CCDC171: variants seen among roughly 807,000 people sequenced by gnomAD.
CCDC171 encodes coiled-coil domain containing 171.
CCDC171 carries 177 observed loss-of-function variants against 168.2 expected under a neutral mutation model. The ratio of observed to expected loss-of-function variants is 1.05; its 90% confidence interval spans 0.93 to 1.19. The LOEUF (loss-of-function observed/expected upper bound fraction) is 1.19, where lower values mean the gene tolerates loss of function less well. CCDC171 is among the 50% of genes most tolerant of loss of function. The pLI, the probability that CCDC171 is intolerant of heterozygous loss-of-function variation, is 0.00. For synonymous variants in CCDC171, 687 were observed against 540.8 expected, an observed-to-expected ratio of 1.27 and a Z score of -3.75; for missense variants, 1,991 against 1,539.0, an observed-to-expected ratio of 1.29 and a Z score of -4.91.
intron 4 of CCDC171, among the ~76,000 whole-genome samples, chr9:15,582,098 T>C (rs1461231214): frequency 6.6e-6 from 1 of 151,438 alleles, no homozygotes; most frequent in Non-Finnish European, 1.5e-5. Context: ...AAAAACAATC[T>C]CATCAGAAAG....
At chr9:15,783,589 T>C (rs190427164) in intron 20 of CCDC171, among the ~76,000 whole-genome samples, 1 of 152,338 alleles carries the variant, frequency 6.6e-6, no homozygotes, top group East Asian at 1.9e-4. Context: ...ATCTACCTTT[T>C]GTGAAACCTT....
At chr9:15,650,506 G>T (rs7023275) in intron 7 of CCDC171, among the ~76,000 whole-genome samples, 1 of 151,816 alleles carries the variant, frequency 6.6e-6, no homozygotes, top group Admixed American at 6.6e-5. Flanking sequence ...GCATTATTTC[G>T]TACAGTTATT....
At chr9:15,952,985 A>G (rs545730340) in intron 25 of CCDC171, among the ~76,000 whole-genome samples, 1 of 152,120 alleles carries the variant, frequency 6.6e-6, no homozygotes. Flanking sequence ...CATATCATTT[A>G]TTGTTAGGGT....
intron 9 of CCDC171, among the ~76,000 whole-genome samples, chr9:15,673,708 G>T (rs532206445): frequency 1.3e-5 from 2 of 152,126 alleles, no homozygotes; most frequent in African/African-American, 4.8e-5. Flanking sequence ...CAACTTGATC[G>T]TGGTGGATAA....
intron 9 of CCDC171, 130 bp from the exon 10 acceptor site, chr9:15,678,628 A>G (rs2049812881): frequency 1.6e-6 from 1 of 615,392 alleles, no homozygotes; most frequent in Non-Finnish European, 2.6e-6. Flanking sequence ...TTGAAAAAGG[A>G]GTTAGCCTTA....
chr9:15,979,065 A>G (rs1831710542), intron 3 of CCDC171, among the ~76,000 whole-genome samples: 1 of 152,130 alleles, frequency 6.6e-6, no homozygotes, highest in South Asian at 2.1e-4. Context: ...CCGTGTATCT[A>G]CTTCATTCCT....
intron 25 of CCDC171, among the ~76,000 whole-genome samples, chr9:15,950,605 A>C (rs1829028674): frequency 6.6e-6 from 1 of 152,122 alleles, no homozygotes; most frequent in Non-Finnish European, 1.5e-5. Flanking sequence ...ACCTGCCCTA[A>C]AAGAGCTCCT....
At chr9:15,974,344 A>G (rs933481330), downstream of CCDC171, among the ~76,000 whole-genome samples, 12 of 152,292 alleles carry the variant, frequency 7.9e-5, no homozygotes, top group South Asian at 2.1e-4. Flanking sequence ...TTAGTGACCA[A>G]TTGCTGCATA....
At chr9:15,902,495 T>A (rs1821840399) in intron 24 of CCDC171, among the ~76,000 whole-genome samples, 1 of 152,178 alleles carries the variant, frequency 6.6e-6, no homozygotes, top group African/African-American at 2.4e-5. Flanking sequence ...ATTCCCTGAT[T>A]TAGTAAACAC....
the CCDC171 span, among the ~76,000 whole-genome samples, chr9:16,088,951 C>T: frequency 6.6e-6 from 1 of 152,156 alleles, no homozygotes; most frequent in Non-Finnish European, 1.5e-5. Context: ...TGCTACCTGA[C>T]TTCAAACTAT....
At chr9:15,602,529 G>T (rs1455481074) in intron 6 of CCDC171, among the ~76,000 whole-genome samples, 1 of 151,208 alleles carries the variant, frequency 6.6e-6, no homozygotes, top group Non-Finnish European at 1.5e-5. Context: ...CTTGGAGATT[G>T]GAGCACTAAA....
At chr9:15,554,541 A>G (rs1212098925) in intron 1 of CCDC171, among the ~76,000 whole-genome samples, 1 of 152,140 alleles carries the variant, frequency 6.6e-6, no homozygotes, top group Non-Finnish European at 1.5e-5. Context: ...TAACCTTCCT[A>G]GGCGTTAGGT....
At chr9:15,595,029 G>A (rs2042240995) in intron 6 of CCDC171, among the ~76,000 whole-genome samples, 1 of 151,972 alleles carries the variant, frequency 6.6e-6, no homozygotes, top group Non-Finnish European at 1.5e-5. Context: ...TCAAAGATAT[G>A]CATTTTTCAC....
intron 21 of CCDC171, among the ~76,000 whole-genome samples, chr9:15,790,883 G>C (rs1403274619): frequency 1.3e-5 from 2 of 152,096 alleles, no homozygotes; most frequent in Admixed American, 6.6e-5. Context: ...TTTTTGTCAG[G>C]TTTGTCAAAG....
At chr9:15,643,196 G>T (rs1180595122) in intron 7 of CCDC171, among the ~76,000 whole-genome samples, 2 of 151,924 alleles carry the variant, frequency 1.3e-5, no homozygotes, top group Admixed American at 6.6e-5. Context: ...TCAATCCTAT[G>T]GGCTATTTCC....
At chr9:16,079,746 C>G in the CCDC171 span, among the ~76,000 whole-genome samples, 4 of 152,180 alleles carry the variant, frequency 2.6e-5, no homozygotes, top group East Asian at 1.9e-4. Flanking sequence ...GATTTAGCAA[C>G]CTGATACGCA....
chr9:15,775,524 T>A (rs1257440004), intron 18 of CCDC171, among the ~76,000 whole-genome samples: 1 of 152,194 alleles, frequency 6.6e-6, no homozygotes, highest in Non-Finnish European at 1.5e-5. Flanking sequence ...TTCACTGTTT[T>A]AGCCAGGATG....
intron 4 of CCDC171, among the ~76,000 whole-genome samples, chr9:15,590,085 G>A (rs535103511): frequency 1.3e-5 from 2 of 152,222 alleles, no homozygotes; most frequent in African/African-American, 4.8e-5. Flanking sequence ...AAGCTTTCAC[G>A]AGAAAAGAAA....
intron 16 of CCDC171, among the ~76,000 whole-genome samples, chr9:15,741,375 G>C (rs1200180743): frequency 6.6e-6 from 1 of 152,154 alleles, no homozygotes; most frequent in East Asian, 1.9e-4. Flanking sequence ...TTGTATAAAT[G>C]GAGTCATACA....
Sources: allele counts gnomAD v4.1 joint callset (sites outside exome capture counted in the v4.1 genomes callset), GRCh38; gene constraint gnomAD v4.1.1; transcripts MANE v1.5; gene names NCBI Gene and HGNC (gene_info 2026-07-23, HGNC 2026-07-21).